Variants in LRRC75A observed in about 807,000 individuals in gnomAD.
LRRC75A encodes the protein leucine rich repeat containing 75A, also known as leucine-rich repeat-containing protein 75A.
A neutral mutation model predicts 26.0 loss-of-function variants in LRRC75A; 12 were observed. That is an observed-to-expected ratio of 0.46 (90% CI 0.30 to 0.75). LRRC75A has a LOEUF of 0.75. Among genes scored for constraint, LRRC75A ranks in the 30% least tolerant of loss-of-function variants. The probability of loss-of-function intolerance (pLI) is 0.08; values close to 1 mark genes in which losing one functional copy is unlikely to be tolerated. For missense variants in LRRC75A, 410 were observed against 486.6 expected, an observed-to-expected ratio of 0.84 and a Z score of 1.48; for synonymous variants, 223 against 219.3, an observed-to-expected ratio of 1.02 and a Z score of -0.15.
chr17:16,472,390 G>C (rs1297202346), intron 1 of LRRC75A, among the ~76,000 whole-genome samples: 1 of 152,222 alleles, frequency 6.6e-6, no homozygotes, highest in Non-Finnish European at 1.5e-5. Context: ...AGGCGAGCAG[G>C]AGTTTGGTGA....
intron 2 of LRRC75A, among the ~76,000 whole-genome samples, chr17:16,460,601 C>CG (rs2093720498): frequency 1.3e-5 from 2 of 152,360 alleles, no homozygotes; most frequent in African/African-American, 4.8e-5. Flanking sequence ...CAGGGACCAC[C>CG]GGCCTGTGTC....
intron 2 of LRRC75A, among the ~76,000 whole-genome samples, chr17:16,451,310 C>T (rs981196533): frequency 5.3e-5 from 8 of 152,040 alleles, no homozygotes; most frequent in African/African-American, 1.9e-4. Flanking sequence ...TGGTGGGAGC[C>T]GACCTTAGAG....
chr17:16,460,312 C>T (rs1369147080), intron 2 of LRRC75A, among the ~76,000 whole-genome samples: 2 of 152,202 alleles, frequency 1.3e-5, no homozygotes, highest in African/African-American at 4.8e-5. Flanking sequence ...CCACAACAAC[C>T]CAGGTATGCA....
chr17:16,470,711 G>C (rs1016167556), intron 1 of LRRC75A, among the ~76,000 whole-genome samples: 4 of 152,214 alleles, frequency 2.6e-5, no homozygotes, highest in African/African-American at 9.6e-5. Flanking sequence ...AGCCCCCAGG[G>C]AGAGAAGCTG....
intron 2 of LRRC75A, among the ~76,000 whole-genome samples, chr17:16,453,187 G>A: frequency 6.6e-6 from 1 of 152,112 alleles, no homozygotes; most frequent in East Asian, 1.9e-4. Flanking sequence ...TACTTGGGAG[G>A]CTGTGGCAGG....
At chr17:16,476,777 C>T (rs1236887401) in intron 1 of LRRC75A, among the ~76,000 whole-genome samples, 3 of 130,276 alleles carry the variant, frequency 2.3e-5, no homozygotes, top group Non-Finnish European at 4.8e-5. Flanking sequence ...CTTGCTCTAT[C>T]ACCCAGGCTG....
chr17:16,456,579 G>A (rs1353272258), intron 2 of LRRC75A, among the ~76,000 whole-genome samples: 1 of 152,160 alleles, frequency 6.6e-6, no homozygotes, highest in Non-Finnish European at 1.5e-5. Flanking sequence ...TAACCTGGGA[G>A]CCATAGCTAG....
At chr17:16,488,220 G>A (rs1236075103) in intron 1 of LRRC75A, among the ~76,000 whole-genome samples, 2 of 152,240 alleles carry the variant, frequency 1.3e-5, no homozygotes, top group Non-Finnish European at 2.9e-5. Context: ...TGGGGAAGGG[G>A]AAAGCCTGGA....
At chr17:16,465,331 T>A (rs1225666938) in intron 1 of LRRC75A, among the ~76,000 whole-genome samples, 1 of 152,218 alleles carries the variant, frequency 6.6e-6, no homozygotes, top group African/African-American at 2.4e-5. Context: ...TGTAAGTCTG[T>A]GGCAAGAGAC....
At chr17:16,458,386 G>A (rs1048545211) in intron 2 of LRRC75A, among the ~76,000 whole-genome samples, 2 of 152,216 alleles carry the variant, frequency 1.3e-5, no homozygotes, top group East Asian at 3.8e-4. Context: ...GGATAAGCCA[G>A]CTGCCATGAT....
At chr17:16,482,486 C>T (rs1444251633) in intron 1 of LRRC75A, among the ~76,000 whole-genome samples, 5 of 152,150 alleles carry the variant, frequency 3.3e-5, no homozygotes, top group African/African-American at 1.2e-4. Flanking sequence ...GAGGGACAGG[C>T]TTGAGGACCA....
At chr17:16,451,935 C>CA (rs1568954325) in intron 2 of LRRC75A, among the ~76,000 whole-genome samples, 1 of 150,454 alleles carries the variant, frequency 6.6e-6, no homozygotes, top group African/African-American at 2.4e-5. Context: ...TTAGTAGAGA[C>CA]GGGGGGTCTC....
chr17:16,459,509 G>T (rs1365182407), intron 2 of LRRC75A, among the ~76,000 whole-genome samples: 1 of 152,200 alleles, frequency 6.6e-6, no homozygotes, highest in Non-Finnish European at 1.5e-5. Flanking sequence ...CTAGAGCAGA[G>T]CTCGCAGGGT....
intron 1 of LRRC75A, among the ~76,000 whole-genome samples, chr17:16,472,718 A>T (rs760916818): frequency 6.6e-6 from 1 of 152,220 alleles, no homozygotes; most frequent in African/African-American, 2.4e-5. Context: ...AAAACGGGTA[A>T]TTGAGTAGCT....
chr17:16,487,370 G>A (rs924013319), intron 1 of LRRC75A, among the ~76,000 whole-genome samples: 1 of 152,190 alleles, frequency 6.6e-6, no homozygotes, highest in Non-Finnish European at 1.5e-5. Flanking sequence ...CTGCTTCTAG[G>A]TAGTAACGAC....
chr17:16,477,611 G>T (rs1198635526), intron 1 of LRRC75A, among the ~76,000 whole-genome samples: 5 of 152,244 alleles, frequency 3.3e-5, no homozygotes, highest in Non-Finnish European at 7.3e-5. Context: ...GCTCTGGGCA[G>T]TGGGGAGGGC....
At chr17:16,456,192 AAGGAGGAGGAAG>A (rs1441906008) in intron 2 of LRRC75A, among the ~76,000 whole-genome samples, 54 of 96,836 alleles carry the variant, frequency 5.6e-4, no homozygotes, top group East Asian at 1.8e-3. Flanking sequence ...GAAGAGGAGG[AAGGAGGAGGAAG>A]AGGAGGAGGA....
rs1011098853 is a variant in LRRC75A, at chr17:16,468,014, C to G, written c.247-5628G>C. ...TACAAATAAACTTAACTTCTCTGGC[C>G]AATCCAGTTCTCAGATCCAAAAAGC... On this transcript the variant is annotated intron_variant, in intron 1 of 3. Transcript: ENST00000470794. Among the ~76,000 whole-genome samples, 3 of 152,304 alleles carry G rather than the reference C, an allele frequency of 2.0e-5. No individual in the cohort carries two copies. The East Asian group carries it at 5.8e-4, about 29-fold the overall frequency.
At chr17:16,458,625 C>A (rs2093703928) in intron 2 of LRRC75A, among the ~76,000 whole-genome samples, 2 of 152,132 alleles carry the variant, frequency 1.3e-5, no homozygotes, top group South Asian at 4.2e-4. Context: ...GCCACCACGC[C>A]CGGCTAATTT....
Sources: gnomAD v4.1 joint callset for allele counts (sites outside exome capture counted in the v4.1 genomes callset) on GRCh38, gnomAD v4.1.1 for gene constraint, MANE v1.5 for transcripts, NCBI Gene and HGNC (gene_info 2026-07-23, HGNC 2026-07-21) for gene names.